EHMT1: variants seen among roughly 807,000 people sequenced by gnomAD.
EHMT1 encodes euchromatic histone lysine methyltransferase 1.
Under a neutral mutation model 147.2 loss-of-function variants are expected in EHMT1, and 15 were observed. The observed-to-expected ratio is 0.10, with a 90% CI of 0.07 to 0.16. The LOEUF (loss-of-function observed/expected upper bound fraction) is 0.16, where lower values mean the gene tolerates loss of function less well. Among genes scored for constraint, EHMT1 ranks in the 10% least tolerant of loss-of-function variants. The pLI is 1.00. For synonymous variants in EHMT1, 795 were observed against 709.6 expected (o/e 1.12, Z -1.91); for missense variants, 1,587 against 1,772.4 (o/e 0.90, Z 1.88).
intron 3 of EHMT1, among the ~76,000 whole-genome samples, chr9:137,721,276 C>CG (rs1338844119): frequency 6.7e-6 from 1 of 148,524 alleles, no homozygotes; most frequent in Non-Finnish European, 1.5e-5. Context: ...CACACTCACC[C>CG]CTCCCAGACT....
Position 137,776,443 on chromosome 9 carries a change from A to G in EHMT1, c.1792-175A>G, listed in dbSNP as rs970429916. On this transcript the variant is annotated intron_variant, in intron 11 of 26. Coordinates refer to ENST00000460843, the MANE Select transcript of EHMT1 (RefSeq NM_024757.5). The surrounding 1 kb of genome is among the most constrained non-coding windows in gnomAD (Gnocchi z 4.4). ...TCTGTGGGGCGAGAGCACCACGGGA[A>G]GCATCGTTCCTCCTTCTTAACGATG... The G allele has an allele frequency of 1.1e-5, 7 of 617,810 alleles. No individual in the cohort carries two copies. Among genetic ancestry groups the G allele is most frequent in the Non-Finnish European group, 2.0e-5 (7 of 347,422 alleles). 38.3% of individuals were successfully genotyped at this position (617,810 alleles called of 1,614,324 possible).
chr9:137,807,035 T>G (rs1954005747), intron 18 of EHMT1, among the ~76,000 whole-genome samples: 1 of 152,252 alleles, frequency 6.6e-6, no homozygotes, highest in South Asian at 2.1e-4. Flanking sequence ...TGAAGTGCTT[T>G]GGTGTTATTT....
At position 137,771,389 on chromosome 9, in the gene EHMT1, C is replaced by T. The variant is rs572218305; in HGVS notation, c.1648-3720C>T. Reference sequence around the variant, plus strand: ...TAATGTTTTTGCATTTTAATAGAGACGGAGTTTCCCTATGTTGGCCAGGCT... The same window carrying T: ...TAATGTTTTTGCATTTTAATAGAGATGGAGTTTCCCTATGTTGGCCAGGCT... On this transcript the variant is annotated intron_variant, in intron 10 of 26. Coordinates refer to ENST00000460843, the MANE Select transcript of EHMT1 (RefSeq NM_024757.5). 1.1e-4 allele frequency among the ~76,000 whole-genome samples: 17 copies of T among 152,078 alleles called. 1 individual carries two copies. Among genetic ancestry groups the T allele is most frequent in the African/African-American group, 2.4e-4 (10 of 41,474 alleles).
chr9:137,814,358 C>G lies in EHMT1; in HGVS notation c.3181-73C>G. 2.7e-6 allele frequency: 4 copies of G among 1,492,858 alleles called. No individual in the cohort carries two copies. In the South Asian group the frequency reaches 3.4e-5, roughly 13 times the overall value. 92.5% of individuals were successfully genotyped at this position (1,492,858 alleles called of 1,614,324 possible). On this transcript the variant is annotated intron_variant, in intron 21 of 26. Coordinates refer to ENST00000460843, the MANE Select transcript of EHMT1 (RefSeq NM_024757.5). The stretch of plus-strand genomic sequence containing the variant: ...AATCAGGGTTAACAGAACTGGAAGA[C>G]GTAGTTGTGACTGGGAGGGGAAATG...
In EHMT1 at chr9:137,823,672, A is replaced by G. The variant is rs371452987; in HGVS notation, c.3540+5534A>G. On this transcript the variant is annotated intron_variant, in intron 25 of 26. Coordinates refer to ENST00000460843, the MANE Select transcript of EHMT1 (RefSeq NM_024757.5). Reference sequence around the variant, plus strand: ...GTGATCCGCCCGCCTCGGCCTCTCAAAGTGCTGGGATTACAGGCGTGAGCC... The same window carrying G: ...GTGATCCGCCCGCCTCGGCCTCTCAGAGTGCTGGGATTACAGGCGTGAGCC... Among the ~76,000 whole-genome samples the G allele has an allele frequency of 8.6e-5, 13 of 151,246 alleles. No homozygotes were observed. In the East Asian group the frequency reaches 2.3e-3, roughly 27 times the overall value.
chr9:137,789,949 C>T (rs968775989), intron 15 of EHMT1, among the ~76,000 whole-genome samples: 8 of 152,188 alleles, frequency 5.3e-5, no homozygotes, highest in Non-Finnish European at 1.0e-4. Context: ...AGGCTGGTCT[C>T]GAACGCCTGA....
chr9:137,647,145 CCTCTTAAGCCTGA>C (rs368693924), intron 1 of EHMT1, among the ~76,000 whole-genome samples: 87 of 152,308 alleles, frequency 5.7e-4, no homozygotes, highest in Non-Finnish European at 8.5e-4. Flanking sequence ...GGAGGACCCG[CCTCTTAAGCCTGA>C]CTTCTAAATA....
rs561905221 is a variant in EHMT1 at position 137,798,665 on chromosome 9, C to T, written c.2506-148C>T. 1.5e-4 allele frequency: 112 copies of T among 727,932 alleles called. 4 individuals are homozygous for T. In the South Asian group the frequency reaches 1.6e-3, roughly 10 times the overall value. 45.1% of individuals were successfully genotyped at this position (727,932 alleles called of 1,614,324 possible). A position where few individuals can be genotyped will look rare whatever the true frequency, so the allele number is the denominator to read the frequency against. ...AGCGCTTGGACCTCGGCTGTTCCCT[C>T]GGCCTCAGCCTGGGTTTCCTTGTCA... is the stretch of plus-strand genomic sequence containing the variant. On this transcript the variant is annotated intron_variant, in intron 16 of 26. Coordinates refer to ENST00000460843, the MANE Select transcript of EHMT1 (RefSeq NM_024757.5).
At chr9:137,799,469 G>A (rs190270260) in intron 17 of EHMT1, among the ~76,000 whole-genome samples, 56 of 152,260 alleles carry the variant, frequency 3.7e-4, no homozygotes, top group Non-Finnish European at 7.5e-4. Context: ...GAACCGCGGC[G>A]CCTCACACAC....
intron 25 of EHMT1, among the ~76,000 whole-genome samples, chr9:137,818,456 C>T (rs1955104043): frequency 6.6e-6 from 1 of 152,226 alleles, no homozygotes; most frequent in Non-Finnish European, 1.5e-5. Flanking sequence ...TTGGCAACCC[C>T]TGAGACTGCA....
chr9:137,629,016 A>G (rs1843442665), intron 1 of EHMT1, among the ~76,000 whole-genome samples: 1 of 151,028 alleles, frequency 6.6e-6, no homozygotes, highest in African/African-American at 2.4e-5. Flanking sequence ...GGATTACTTT[A>G]TCCTAAGGTA....
chr9:137,636,116 T>G (rs1163354700), intron 1 of EHMT1, among the ~76,000 whole-genome samples: 1 of 151,950 alleles, frequency 6.6e-6, no homozygotes, highest in Non-Finnish European at 1.5e-5. Flanking sequence ...GAGATGGGGT[T>G]TCACCATTTT....
At chr9:137,620,594 T>G (rs1304439940) in intron 1 of EHMT1, among the ~76,000 whole-genome samples, 1 of 152,156 alleles carries the variant, frequency 6.6e-6, no homozygotes, top group Non-Finnish European at 1.5e-5. Context: ...GGTTTCACCA[T>G]GTTGCCCAGG....
In EHMT1 at chr9:137,834,765, C is replaced by G; in HGVS notation, c.3717-8C>G. The G allele has an allele frequency of 6.2e-7, 1 of 1,613,506 alleles. No individual in the cohort carries two copies. The highest frequency in any genetic ancestry group is 8.5e-7 in the Non-Finnish European group (1 of 1,179,786). ...CGACTTGGAGCCTTGGTTCTGTTCC[C>G]TCCCCAGGTTTGACTATGGAGAGCG... On this transcript the variant is annotated splice_polypyrimidine_tract_variant and splice_region_variant and intron_variant, in intron 26 of 26. Coordinates refer to ENST00000460843, the MANE Select transcript of EHMT1 (RefSeq NM_024757.5).
At chr9:137,747,835 C>T (rs948350867) in intron 6 of EHMT1, 4 of 151,520 alleles carry the variant, frequency 2.6e-5, no homozygotes, top group African/African-American at 9.8e-5. Flanking sequence ...TAACCCCTCT[C>T]CTGAGTGCTA....
Position 137,787,985 on chromosome 9 carries a change from G to C in EHMT1, c.2383-2863G>C, listed in dbSNP as rs1952130094. The stretch of plus-strand genomic sequence containing the variant: ...CACTGGACAGCCCCCCAGGAACTGA[G>C]GTGCCCTGCAGTAAGTGGAGAGGCC... On this transcript the variant is annotated intron_variant, in intron 15 of 26. Coordinates refer to ENST00000460843, the MANE Select transcript of EHMT1 (RefSeq NM_024757.5). The surrounding 1 kb of genome is among the most constrained non-coding windows in gnomAD (Gnocchi z 4.2). 1 of 1,472,594 alleles carries C rather than the reference G, an allele frequency of 6.8e-7. No homozygotes were observed. Among genetic ancestry groups the C allele is most frequent in the Non-Finnish European group, 9.4e-7 (1 of 1,060,694 alleles). The allele number at this position is 1,472,594 out of a possible 1,614,324, so 91.2% of individuals were successfully genotyped here.
At chr9:137,683,845 C>G (rs1942188733) in intron 1 of EHMT1, among the ~76,000 whole-genome samples, 3 of 152,070 alleles carry the variant, frequency 2.0e-5, no homozygotes. Flanking sequence ...AAATCCCATT[C>G]AAGCAGAATG....
At chr9:137,811,302 C>T (rs561025712) in intron 18 of EHMT1, among the ~76,000 whole-genome samples, 159 bp from the exon 19 acceptor site, 1 of 152,234 alleles carries the variant, frequency 6.6e-6, no homozygotes, top group South Asian at 2.1e-4. Flanking sequence ...GGTTCCCATC[C>T]GGTGACCTGT....
chr9:137,813,624 G>A lies in EHMT1; in HGVS notation c.3180+94G>A. On this transcript the variant is annotated intron_variant, in intron 21 of 26. Coordinates refer to ENST00000460843, the MANE Select transcript of EHMT1 (RefSeq NM_024757.5). This position sits in a 1 kb window ranked among gnomAD's most constrained non-coding sequence, Gnocchi z 4.9. Reference sequence around the variant, plus strand: ...GGGTCCTGGGTTCTCACCACTCAGAGCAGGAGGGCTTATGGGGGGCTTCCC... The same window carrying A: ...GGGTCCTGGGTTCTCACCACTCAGAACAGGAGGGCTTATGGGGGGCTTCCC... The A allele has an allele frequency of 6.4e-7, 1 of 1,557,660 alleles. No homozygotes were observed.
Sources: allele counts gnomAD v4.1 joint callset (sites outside exome capture counted in the v4.1 genomes callset), GRCh38; gene constraint gnomAD v4.1.1; non-coding constraint Gnocchi (gnomAD v3.1); transcripts MANE v1.5; gene names NCBI Gene and HGNC (gene_info 2026-07-23, HGNC 2026-07-21).